Variants in MLLT3 observed in about 807,000 individuals in gnomAD.
MLLT3 encodes protein AF-9.
MLLT3 carries 4 observed loss-of-function variants against 53.2 expected under a neutral mutation model. The ratio of observed to expected loss-of-function variants is 0.08; its 90% CI spans 0.04 to 0.17. The LOEUF (loss-of-function observed/expected upper bound fraction) is 0.17. MLLT3 is among the 10% of genes least tolerant of loss of function. The probability of loss-of-function intolerance (pLI) is 1.00; values close to 1 mark genes in which losing one functional copy is unlikely to be tolerated. For missense variants in MLLT3, 569 were observed against 684.0 expected (o/e 0.83, Z 1.87); for synonymous variants, 283 against 230.6 (o/e 1.23, Z -2.06).
chr9:20,347,174 G>A (rs1427561635), intron 10 of MLLT3, among the ~76,000 whole-genome samples: 1 of 151,620 alleles, frequency 6.6e-6, no homozygotes, highest in Non-Finnish European at 1.5e-5. Context: ...GCCTTCTAGA[G>A]TACTGGAACT....
At chr9:20,497,469 G>A (rs1256097254) in intron 2 of MLLT3, among the ~76,000 whole-genome samples, 1 of 152,034 alleles carries the variant, frequency 6.6e-6, no homozygotes, top group Non-Finnish European at 1.5e-5. Flanking sequence ...CCATTTTCAG[G>A]TAACCACTGA....
intron 2 of MLLT3, among the ~76,000 whole-genome samples, chr9:20,536,549 G>A (rs1415674724): frequency 6.6e-6 from 1 of 152,110 alleles, no homozygotes; most frequent in Non-Finnish European, 1.5e-5. Flanking sequence ...TGTTCTCTCG[G>A]AATCAGTCTA....
chr9:20,342,372 A>G lies in MLLT3; in HGVS notation c.*4071T>C, dbSNP rs1820755579. 1 of 224,210 alleles carries G rather than the reference A, an allele frequency of 4.5e-6. No individual in the cohort carries two copies. The highest frequency in any genetic ancestry group is 8.9e-6 in the Non-Finnish European group (1 of 112,562). 13.9% of individuals were successfully genotyped at this position (224,210 alleles called of 1,614,324 possible). A position where few individuals can be genotyped will look rare whatever the true frequency, so the allele number is the denominator to read the frequency against. Reference sequence around the variant, plus strand: ...TATCTTTCAACATAACTACACATACACAGTCCATTAAAAAGATACTGACAG... The same window carrying G: ...TATCTTTCAACATAACTACACATACGCAGTCCATTAAAAAGATACTGACAG... On this transcript the variant is annotated 3_prime_UTR_variant, in exon 11 of 11. Coordinates refer to ENST00000380338, the MANE Select transcript of MLLT3 (RefSeq NM_004529.4).
At chr9:20,508,474 A>C (rs1825440602) in intron 2 of MLLT3, among the ~76,000 whole-genome samples, 1 of 152,312 alleles carries the variant, frequency 6.6e-6, no homozygotes, top group South Asian at 2.1e-4. Flanking sequence ...AGCAGAAGAA[A>C]TTCTAGTCAA....
In MLLT3 at chr9:20,620,975, C is replaced by A; in HGVS notation, c.13-141G>T. On this transcript the variant is annotated intron_variant, in intron 1 of 10. Transcript: ENST00000380338. This position sits in a 1 kb window ranked among gnomAD's most constrained non-coding sequence, Gnocchi z 6.1. ...CGGTGCCCTCTGCATCCACGTTTCACGCGCGTGGGCGCGCACACTCCACAC... is the reference window on the plus strand; with the variant it reads ...CGGTGCCCTCTGCATCCACGTTTCAAGCGCGTGGGCGCGCACACTCCACAC... The A allele has an allele frequency of 1.0e-6, 1 of 996,600 alleles. No individual in the cohort carries two copies. The highest frequency in any genetic ancestry group is 1.5e-6 in the Non-Finnish European group (1 of 655,942). The allele number at this position is 996,600 out of a possible 1,614,324, so 61.7% of individuals were successfully genotyped here. A position where few individuals can be genotyped will look rare whatever the true frequency, so the allele number is the denominator to read the frequency against.
In MLLT3 at chr9:20,342,287, G is replaced by C. The variant is rs934196233; in HGVS notation, c.*4156C>G. 4.5e-6 allele frequency: 1 copy of C among 223,780 alleles called. No homozygotes were observed. The highest frequency in any genetic ancestry group is 2.2e-5 in the African/African-American group (1 of 44,816). 13.9% of individuals were successfully genotyped at this position (223,780 alleles called of 1,614,324 possible). On this transcript the variant is annotated 3_prime_UTR_variant, in exon 11 of 11. Transcript: ENST00000380338. The stretch of plus-strand genomic sequence containing the variant: ...ACATTTCAACATGGATTTTAGAGAA[G>C]GGAAATACATCTTACAGTGTGCCTT...
Position 20,621,166 on chromosome 9 carries a change from G to A in MLLT3, c.13-332C>T, listed in dbSNP as rs553133372. ...GACAAGCACGACAACAAATGCATCG[G>A]AAACAAATCAGAAGGCGATGCCGGG... On this transcript the variant is annotated intron_variant, in intron 1 of 10. Transcript: ENST00000380338. This position sits in a 1 kb window ranked among gnomAD's most constrained non-coding sequence, Gnocchi z 7.0. Among the ~76,000 whole-genome samples, 1 of 152,206 alleles carries A rather than the reference G, an allele frequency of 6.6e-6. No individual in the cohort carries two copies. Among genetic ancestry groups the A allele is most frequent in the Non-Finnish European group, 1.5e-5 (1 of 68,042 alleles).
At chr9:20,549,568 GA>G (rs1328607561) in intron 2 of MLLT3, among the ~76,000 whole-genome samples, 1 of 152,200 alleles carries the variant, frequency 6.6e-6, no homozygotes, top group East Asian at 1.9e-4. Context: ...TGAAGATGAA[GA>G]AAGTATGGAA....
chr9:20,558,738 G>A (rs1197406569), intron 2 of MLLT3, among the ~76,000 whole-genome samples: 1 of 152,178 alleles, frequency 6.6e-6, no homozygotes, highest in Non-Finnish European at 1.5e-5. Flanking sequence ...ACCACTGCCT[G>A]AAGGACATCC....
chr9:20,377,415 T>C (rs1176390394), intron 5 of MLLT3, among the ~76,000 whole-genome samples: 1 of 152,098 alleles, frequency 6.6e-6, no homozygotes, highest in African/African-American at 2.4e-5. Context: ...GGCTCAGTAC[T>C]GGATTATAAA....
At chr9:20,424,967 T>C (rs1047362805) in intron 4 of MLLT3, among the ~76,000 whole-genome samples, 2 of 152,192 alleles carry the variant, frequency 1.3e-5, no homozygotes, top group Non-Finnish European at 2.9e-5. Flanking sequence ...ATGTGAGTGC[T>C]TTCTATTACT....
chr9:20,362,521 C>T lies in MLLT3; in HGVS notation c.1331+955G>A, dbSNP rs565736917. ...ATGGGCATATTAAAGAGGTTATATT[C>T]TCCTATTTAAAAGGAATGCTGACAG... On this transcript the variant is annotated intron_variant, in intron 7 of 10. Transcript: ENST00000380338. Among the ~76,000 whole-genome samples, 7 of 152,130 alleles carry T rather than the reference C, an allele frequency of 4.6e-5. No homozygotes were observed. The South Asian group carries it at 1.0e-3, about 23-fold the overall frequency.
At chr9:20,523,208 T>G (rs528644743) in intron 2 of MLLT3, among the ~76,000 whole-genome samples, 4 of 152,298 alleles carry the variant, frequency 2.6e-5, no homozygotes, top group African/African-American at 9.6e-5. Context: ...AATTCCAGAA[T>G]GCCGATAACA....
At chr9:20,390,073 G>T (rs1299869145) in intron 5 of MLLT3, among the ~76,000 whole-genome samples, 1 of 152,128 alleles carries the variant, frequency 6.6e-6, no homozygotes, top group African/African-American at 2.4e-5. Context: ...AGCAACCAAG[G>T]GAAGTTAATG....
chr9:20,606,030 C>T (rs1285120495), intron 2 of MLLT3, among the ~76,000 whole-genome samples: 2 of 152,128 alleles, frequency 1.3e-5, no homozygotes, highest in Non-Finnish European at 2.9e-5. Context: ...ACTTTAGGGA[C>T]TTAAACCATA....
chr9:20,384,607 G>T (rs1273134238), intron 5 of MLLT3, among the ~76,000 whole-genome samples: 1 of 151,910 alleles, frequency 6.6e-6, no homozygotes, highest in Admixed American at 6.6e-5. Flanking sequence ...ATCATCAATG[G>T]GATGCAGGTG....
At chr9:20,368,824 G>C (rs993556776) in intron 5 of MLLT3, among the ~76,000 whole-genome samples, 3 of 152,204 alleles carry the variant, frequency 2.0e-5, no homozygotes, top group African/African-American at 7.2e-5. Context: ...GGACATTAAA[G>C]TAGAAAGTTT....
intron 2 of MLLT3, among the ~76,000 whole-genome samples, chr9:20,608,433 T>C (rs1360991326): frequency 1.3e-5 from 2 of 151,992 alleles, no homozygotes; most frequent in African/African-American, 2.4e-5. Context: ...ACTGTACTGA[T>C]ATATTACACA....
chr9:20,431,098 T>G (rs1367532980), intron 4 of MLLT3, among the ~76,000 whole-genome samples: 1 of 152,146 alleles, frequency 6.6e-6, no homozygotes, highest in African/African-American at 2.4e-5. Context: ...CTCTTTTACA[T>G]GCTGACATGA....
Sources: allele counts gnomAD v4.1 joint callset (sites outside exome capture counted in the v4.1 genomes callset), GRCh38; gene constraint gnomAD v4.1.1; non-coding constraint Gnocchi (gnomAD v3.1); transcripts MANE v1.5; gene names NCBI Gene and HGNC (gene_info 2026-07-23, HGNC 2026-07-21).